Variants in DHRS3 observed in about 807,000 individuals in gnomAD.
The protein encoded by DHRS3 is short-chain dehydrogenase/reductase 3.
DHRS3 carries 14 observed loss-of-function variants against 27.2 expected under a neutral mutation model. The ratio of observed to expected loss-of-function variants is 0.52; its 90% CI spans 0.34 to 0.81. The LOEUF is 0.81. DHRS3 is among the 30% of genes least tolerant of loss of function. DHRS3 has a pLI of 0.01. For synonymous variants in DHRS3, 165 were observed against 175.9 expected, an observed-to-expected ratio of 0.94 and a Z score of 0.49; for missense variants, 322 against 406.2, an observed-to-expected ratio of 0.79 and a Z score of 1.78.
intron 1 of DHRS3, among the ~76,000 whole-genome samples, chr1:12,589,907 A>G (rs988795469): frequency 6.6e-5 from 10 of 152,070 alleles, no homozygotes; most frequent in African/African-American, 2.4e-4. Context: ...GCAGTAGAAG[A>G]TCCACATACC....
chr1:12,611,921 C>T (rs191570261), intron 1 of DHRS3, among the ~76,000 whole-genome samples: 15 of 53,512 alleles, frequency 2.8e-4, no homozygotes, highest in Non-Finnish European at 5.3e-4. Flanking sequence ...GGGAGACTCC[C>T]GTCTCTATTT....
In DHRS3 at chr1:12,580,646, A is replaced by C; in HGVS notation, c.216T>G (p.Thr72=). 1.2e-6 allele frequency: 2 copies of C among 1,613,776 alleles called. No homozygotes were observed. The highest frequency in any genetic ancestry group is 2.2e-5 in the South Asian group (2 of 91,070). The change falls in exon 2 of 6, where the codon ACT becomes ACG. Residue 72 remains threonine, a synonymous_variant. Coordinates refer to ENST00000616661, the MANE Select transcript of DHRS3 (RefSeq NM_004753.7). The part of the protein sequence containing the change: ...GARKIVLWGR[T]EKCLKETTEE... The stretch of plus-strand genomic sequence containing the variant: ...CCGTCGTCTCCTTCAGGCATTTCTC[A>C]GTCCGGCCCCAGAGAACAATCTGGA...
In DHRS3 at chr1:12,613,831, G is replaced by A. The variant is rs376216582; in HGVS notation, c.195+3323C>T. Among the ~76,000 whole-genome samples, 22 of 152,222 alleles carry A rather than the reference G, an allele frequency of 1.4e-4. 1 individual carries two copies. Among genetic ancestry groups the A allele is most frequent in the Admixed American group, 9.2e-4 (14 of 15,286 alleles). On this transcript the variant is annotated intron_variant, in intron 1 of 5. Transcript: ENST00000616661. ...GTCGCCCAGGCTGGAGTGCAATGGC[G>A]TGATCTAGGCTCACTGCAACCTCTA...
intron 4 of DHRS3, among the ~76,000 whole-genome samples, chr1:12,575,038 C>A (rs1314327467): frequency 6.6e-6 from 1 of 152,070 alleles, no homozygotes; most frequent in Non-Finnish European, 1.5e-5. Context: ...ATCGAAGAGG[C>A]TCAATTGGCT....
chr1:12,616,840 G>GGGGC, intron 1 of DHRS3: 1 of 555,234 alleles, frequency 1.8e-6, no homozygotes, highest in Non-Finnish European at 2.8e-6. Flanking sequence ...GGGGAGGGGG[G>GGGGC]CACAACACCT....
At chr1:12,603,224 C>T (rs114258033) in intron 1 of DHRS3, among the ~76,000 whole-genome samples, 1,972 of 152,254 alleles carry the variant, frequency 0.013, 44 homozygotes, top group African/African-American at 0.045. Flanking sequence ...GCATTTGGTC[C>T]AGAAGCCACA....
intron 2 of DHRS3, 100 bp from the exon 3 acceptor site, chr1:12,579,512 G>T: frequency 6.7e-7 from 1 of 1,503,546 alleles, no homozygotes; most frequent in Non-Finnish European, 8.9e-7. Flanking sequence ...GTCTCACTCT[G>T]TTGTCCAGGC....
rs375531681 is a variant in DHRS3 at position 12,585,051 on chromosome 1, GTC to G, written c.196-4387_196-4386del. The stretch of plus-strand genomic sequence containing the variant: ...TGTGTCTCTGTGTGTCTGAGTGTGT[GTC>G]TCTGTGAGTATGTGTGTGTGTGTCT... On this transcript the variant is annotated intron_variant, in intron 1 of 5. Coordinates refer to ENST00000616661, the MANE Select transcript of DHRS3 (RefSeq NM_004753.7). 2.3e-4 allele frequency among the ~76,000 whole-genome samples: 35 copies of G among 151,714 alleles called. No individual in the cohort carries two copies. The East Asian group carries it at 4.7e-3, about 20-fold the overall frequency.
intron 1 of DHRS3, among the ~76,000 whole-genome samples, chr1:12,602,712 C>T (rs984386696): frequency 1.3e-5 from 2 of 152,206 alleles, no homozygotes; most frequent in Non-Finnish European, 2.9e-5. Context: ...CATTTCCACA[C>T]CTTCATTTTT....
chr1:12,585,585 C>T (rs79911034), intron 1 of DHRS3, among the ~76,000 whole-genome samples: 2,987 of 152,300 alleles, frequency 0.02, 111 homozygotes, highest in African/African-American at 0.067. Flanking sequence ...CTGGTAGGTG[C>T]TGCCCTGTGG....
In DHRS3 at chr1:12,571,063, C is replaced by G. The variant is rs1646531973; in HGVS notation, c.824+1665G>C. On this transcript the variant is annotated intron_variant, in intron 5 of 5. Coordinates refer to ENST00000616661, the MANE Select transcript of DHRS3 (RefSeq NM_004753.7). ...GGCCAGCCTGGCACTTGGGGGCTTA[C>G]CTTCCTGAAAAGGACTTCCAGGTCA... Among the ~76,000 whole-genome samples, 11 of 152,210 alleles carry G rather than the reference C, an allele frequency of 7.2e-5. 1 individual carries two copies.
intron 3 of DHRS3, 166 bp from the exon 4 acceptor site, chr1:12,579,122 T>C (rs770669420): frequency 8.3e-6 from 11 of 1,319,096 alleles, no homozygotes; most frequent in Non-Finnish European, 1.2e-5. Context: ...ACCGAGCATA[T>C]TTCACAAAGT....
rs530511783 is a variant in DHRS3, at chr1:12,606,575, C to T, written c.195+10579G>A. 3.9e-4 allele frequency among the ~76,000 whole-genome samples: 60 copies of T among 152,150 alleles called. No homozygotes were observed. The South Asian group carries it at 6.0e-3, about 15-fold the overall frequency. ...CGTGATCTTGGCTCACGGCAACCTC[C>T]GCCTCCCGGGTTCAAGCGATTCTCC... On this transcript the variant is annotated intron_variant, in intron 1 of 5. Coordinates refer to ENST00000616661, the MANE Select transcript of DHRS3 (RefSeq NM_004753.7).
intron 1 of DHRS3, among the ~76,000 whole-genome samples, chr1:12,606,960 C>T (rs1225108139): frequency 2.0e-5 from 3 of 152,140 alleles, no homozygotes; most frequent in Admixed American, 6.5e-5. Context: ...AAAAGCAGAC[C>T]GACCAAGAGC....
chr1:12,580,220 A>T, intron 2 of DHRS3: 1 of 434,170 alleles, frequency 2.3e-6, no homozygotes, highest in East Asian at 4.9e-5. Context: ...CAAACAGATG[A>T]CTGGAGTCAG....
chr1:12,617,072 G>A, intron 1 of DHRS3, 82 bp downstream of exon 1: 1 of 1,453,960 alleles, frequency 6.9e-7, no homozygotes, highest in South Asian at 1.3e-5. Flanking sequence ...CAGCTCCCGG[G>A]CGCGGGATCC....
At position 12,568,239 on chromosome 1, in the gene DHRS3, T is replaced by C; in HGVS notation, c.*101A>G. 1 of 1,142,868 alleles carries C rather than the reference T, an allele frequency of 8.7e-7. No homozygotes were observed. The highest frequency in any genetic ancestry group is 1.3e-6 in the Non-Finnish European group (1 of 760,714). 70.8% of individuals were successfully genotyped at this position (1,142,868 alleles called of 1,614,324 possible). On this transcript the variant is annotated 3_prime_UTR_variant, in exon 6 of 6. Transcript: ENST00000616661. ...TCGCTGGGGACAGGAGCTGTCCTGC[T>C]CACCCAGCAGAAGCATGCCAATGGA...
Position 12,594,751 on chromosome 1 carries a change from C to A in DHRS3, c.196-14085G>T, listed in dbSNP as rs1646774347. ...TGGAAGAGCAAGCGGGAGACACCAG[C>A]CACAGCAGGACTTTGAATTCTTTTC... On this transcript the variant is annotated intron_variant, in intron 1 of 5. Coordinates refer to ENST00000616661, the MANE Select transcript of DHRS3 (RefSeq NM_004753.7). This position sits in a 1 kb window ranked among gnomAD's most constrained non-coding sequence, Gnocchi z 4.1. 6.6e-6 allele frequency among the ~76,000 whole-genome samples: 1 copy of A among 152,106 alleles called. No individual in the cohort carries two copies.
chr1:12,579,818 G>A (rs1646627978), intron 2 of DHRS3: 1 of 183,722 alleles, frequency 5.4e-6, no homozygotes, highest in Non-Finnish European at 1.2e-5. Flanking sequence ...AAGTGAACGA[G>A]TAATTTCTGA....
Sources: gnomAD v4.1 joint callset for allele counts (sites outside exome capture counted in the v4.1 genomes callset) on GRCh38, gnomAD v4.1.1 for gene constraint, Gnocchi (gnomAD v3.1) non-coding constraint, MANE v1.5 for transcripts, NCBI Gene and HGNC (gene_info 2026-07-23, HGNC 2026-07-21) for gene names.